Variants in L3MBTL4 observed in about 807,000 individuals in gnomAD.
L3MBTL4 encodes the protein lethal(3)malignant brain tumor-like protein 4.
L3MBTL4 carries 70 observed loss-of-function variants against 84.5 expected under a neutral mutation model. That is an observed-to-expected ratio of 0.83 (90% CI 0.68 to 1.01). L3MBTL4 has a LOEUF of 1.01. Among genes scored for constraint, L3MBTL4 ranks in the 50% least tolerant of loss-of-function variants. The probability of loss-of-function intolerance (pLI) is 0.00; values close to 1 mark genes in which losing one functional copy is unlikely to be tolerated. For missense variants in L3MBTL4, 715 were observed against 754.8 expected, an observed-to-expected ratio of 0.95 and a Z score of 0.62; for synonymous variants, 274 against 259.8, an observed-to-expected ratio of 1.05 and a Z score of -0.52.
At chr18:6,169,667 T>G in intron 13 of L3MBTL4, among the ~76,000 whole-genome samples, 1 of 94,374 alleles carries the variant, frequency 1.1e-5, no homozygotes, top group Non-Finnish European at 2.0e-5. Flanking sequence ...CATCACACAC[T>G]GGGGACTGTT....
At chr18:6,272,080 A>G (rs1275095223) in intron 4 of L3MBTL4, among the ~76,000 whole-genome samples, 4 of 152,254 alleles carry the variant, frequency 2.6e-5, no homozygotes. Context: ...TGTTAAGCGT[A>G]TCAGGAGACG....
chr18:6,212,106 C>T (rs1039053151), intron 12 of L3MBTL4, among the ~76,000 whole-genome samples: 32 of 152,016 alleles, frequency 2.1e-4, no homozygotes, highest in Non-Finnish European at 3.2e-4. Flanking sequence ...AAACTTAAAA[C>T]ATTAATAAGA....
intron 1 of L3MBTL4, among the ~76,000 whole-genome samples, chr18:6,337,539 A>G (rs1187961288): frequency 6.6e-6 from 1 of 152,044 alleles, no homozygotes; most frequent in Non-Finnish European, 1.5e-5. Context: ...ATAAAGTTCA[A>G]TAACAGGCAA....
At chr18:6,302,024 G>A in intron 3 of L3MBTL4, 67 bp from the exon 4 acceptor site, 3 of 1,269,424 alleles carry the variant, frequency 2.4e-6, no homozygotes, top group South Asian at 1.2e-5. Context: ...GAAAACTAAT[G>A]TTCCTTTTTG....
chr18:6,080,005 T>C (rs1457542617), intron 16 of L3MBTL4: 2 of 152,258 alleles, frequency 1.3e-5, no homozygotes, highest in Non-Finnish European at 2.9e-5. Flanking sequence ...GCTCCATCTC[T>C]GCCTGAAGTG....
At chr18:6,196,519 C>G (rs976432285) in intron 12 of L3MBTL4, among the ~76,000 whole-genome samples, 2 of 152,094 alleles carry the variant, frequency 1.3e-5, no homozygotes, top group Non-Finnish European at 2.9e-5. Flanking sequence ...ATAATTCTTC[C>G]TCTTAAAATT....
chr18:6,330,246 C>T (rs1294039239), intron 1 of L3MBTL4, among the ~76,000 whole-genome samples: 1 of 152,238 alleles, frequency 6.6e-6, no homozygotes, highest in Non-Finnish European at 1.5e-5. Context: ...TAACAATTTA[C>T]CCCAACTTGG....
chr18:6,353,959 G>T (rs1041172542), intron 1 of L3MBTL4, among the ~76,000 whole-genome samples: 2 of 151,976 alleles, frequency 1.3e-5, no homozygotes, highest in Non-Finnish European at 2.9e-5. Flanking sequence ...AAGCACAAAA[G>T]ACCCAGAATA....
chr18:6,041,240 C>T (rs994123349), intron 16 of L3MBTL4, among the ~76,000 whole-genome samples: 8 of 152,228 alleles, frequency 5.3e-5, no homozygotes, highest in African/African-American at 1.7e-4. Context: ...GGGCCTGCAG[C>T]TGTGGAGCCA....
chr18:6,174,864 CAA>C (rs34787848), intron 12 of L3MBTL4, among the ~76,000 whole-genome samples: 1,511 of 58,328 alleles, frequency 0.026, 33 homozygotes, highest in African/African-American at 0.072. Context: ...GAAACTCTGT[CAA>C]AAAAAAAAAA....
intron 5 of L3MBTL4, among the ~76,000 whole-genome samples, chr18:6,253,552 T>C (rs6506369): frequency 0.087 from 13,235 of 152,200 alleles, 1,859 homozygotes; most frequent in African/African-American, 0.3. Context: ...GATTTTAAGG[T>C]GGTGCCCACA....
intron 10 of L3MBTL4, among the ~76,000 whole-genome samples, chr18:6,233,872 C>G (rs971972072): frequency 5.3e-5 from 8 of 151,834 alleles, no homozygotes; most frequent in African/African-American, 1.9e-4. Context: ...AATCCTAAGC[C>G]AAAAGAACAA....
At chr18:6,309,628 T>C (rs1398271249) in intron 3 of L3MBTL4, among the ~76,000 whole-genome samples, 5 of 152,128 alleles carry the variant, frequency 3.3e-5, no homozygotes, top group Admixed American at 2.0e-4. Context: ...AAAGTCCCAA[T>C]GTGGGGTAGA....
At chr18:6,110,596 A>G (rs186852530) in intron 14 of L3MBTL4, among the ~76,000 whole-genome samples, 2 of 82,840 alleles carry the variant, frequency 2.4e-5, no homozygotes, top group East Asian at 8.4e-4. Context: ...GGGGGGTTGT[A>G]TGTGTGGCAT....
At chr18:6,242,616 A>C (rs2047498017) in intron 7 of L3MBTL4, among the ~76,000 whole-genome samples, 1 of 152,210 alleles carries the variant, frequency 6.6e-6, no homozygotes. Context: ...CTAGGAATAA[A>C]GGACTGTATA....
chr18:6,378,856 A>G (rs2054481120), intron 1 of L3MBTL4, among the ~76,000 whole-genome samples: 1 of 152,206 alleles, frequency 6.6e-6, no homozygotes, highest in South Asian at 2.1e-4. Context: ...TTCCGTGAAG[A>G]AAGTCAATGG....
intron 14 of L3MBTL4, among the ~76,000 whole-genome samples, chr18:6,109,686 C>G (rs189189291): frequency 6.6e-6 from 1 of 152,092 alleles, no homozygotes; most frequent in Non-Finnish European, 1.5e-5. Flanking sequence ...GAGCTCACAG[C>G]CCCCTTGGAA....
At chr18:6,087,441 T>C (rs2058294169) in intron 15 of L3MBTL4, among the ~76,000 whole-genome samples, 2 of 152,138 alleles carry the variant, frequency 1.3e-5, no homozygotes, top group Admixed American at 6.5e-5. Context: ...TTGAGTCCTT[T>C]CCCTCCGTAG....
chr18:6,387,971 G>A (rs1308053792), intron 1 of L3MBTL4, among the ~76,000 whole-genome samples: 1 of 152,204 alleles, frequency 6.6e-6, no homozygotes, highest in East Asian at 1.9e-4. Flanking sequence ...ACTATCTAGA[G>A]TGTGGAGGAG....
Sources: allele counts gnomAD v4.1 joint callset (sites outside exome capture counted in the v4.1 genomes callset), GRCh38; gene constraint gnomAD v4.1.1; transcripts MANE v1.5; gene names NCBI Gene and HGNC (gene_info 2026-07-23, HGNC 2026-07-21).